Variants in RMND5A observed in about 807,000 individuals in gnomAD.
RMND5A encodes the protein E3 ubiquitin-protein transferase RMND5A.
RMND5A carries 17 observed loss-of-function variants against 49.7 expected under a neutral mutation model. That is an observed-to-expected ratio of 0.34 (90% CI 0.23 to 0.51). The LOEUF (loss-of-function observed/expected upper bound fraction) is 0.51, where lower values mean the gene tolerates loss of function less well. Among genes scored for constraint, RMND5A ranks in the 20% least tolerant of loss-of-function variants. The probability of loss-of-function intolerance (pLI) is 0.96; values close to 1 mark genes in which losing one functional copy is unlikely to be tolerated. For missense variants in RMND5A, 255 were observed against 471.3 expected, an observed-to-expected ratio of 0.54 and a Z score of 4.25; for synonymous variants, 156 against 167.7, an observed-to-expected ratio of 0.93 and a Z score of 0.54.
At position 86,735,107 on chromosome 2, in the gene RMND5A, A is replaced by G. The variant is rs201599938; in HGVS notation, c.143-5820A>G. Among the ~76,000 whole-genome samples the G allele has an allele frequency of 2.0e-5, 3 of 152,202 alleles. No individual in the cohort carries two copies. In the East Asian group the frequency reaches 5.9e-4, roughly 30 times the overall value. On this transcript the variant is annotated intron_variant, in intron 1 of 8. Coordinates refer to ENST00000283632, the MANE Select transcript of RMND5A (RefSeq NM_022780.4). ...CCTCATTTCCTTTAATGACTGGATA[A>G]TCCATTGTTTATCCATTCATTCTTT...
intron 2 of RMND5A, among the ~76,000 whole-genome samples, chr2:86,749,004 A>G (rs1275068065): frequency 6.6e-6 from 1 of 152,068 alleles, no homozygotes; most frequent in Non-Finnish European, 1.5e-5. Flanking sequence ...ACATTTAGAG[A>G]GTTATGGGCA....
chr2:86,772,562 A>G (rs1375588866), intron 8 of RMND5A, among the ~76,000 whole-genome samples: 2 of 151,968 alleles, frequency 1.3e-5, no homozygotes, highest in African/African-American at 4.8e-5. Flanking sequence ...TTCAAAGGAT[A>G]TATGCATTTG....
chr2:86,720,742 C>A lies in RMND5A; in HGVS notation c.75C>A (p.Cys25Ter), dbSNP rs1474586410. 6.3e-7 allele frequency: 1 copy of A among 1,591,770 alleles called. No individual in the cohort carries two copies. Reference protein sequence around the residue: ...LHKFSGYGQLCERGLEELIDY... With the variant: ...LHKFSGYGQL ...AGTTCTCAGGCTACGGGCAGCTGTG[C>A]GAGCGCGGCCTGGAGGAGCTCATCG... Residue 25 changes from cysteine (C) to a stop codon, truncating the protein, a stop_gained, in exon 1 of 9, where the codon TGC becomes TGA. Transcript: ENST00000283632. LOFTEE classifies it high-confidence loss of function.
intron 2 of RMND5A, among the ~76,000 whole-genome samples, chr2:86,743,556 C>G (rs538356930): frequency 6.6e-6 from 1 of 152,088 alleles, no homozygotes; most frequent in Non-Finnish European, 1.5e-5. Context: ...ACTCTGCCTC[C>G]CAGGTTCAAG....
intron 2 of RMND5A, among the ~76,000 whole-genome samples, chr2:86,745,641 CTCAT>C (rs1681524563): frequency 6.6e-6 from 1 of 152,090 alleles, no homozygotes; most frequent in African/African-American, 2.4e-5. Flanking sequence ...TTTACTTGAC[CTCAT>C]TAAGTAGGAT....
intron 1 of RMND5A, chr2:86,721,188 C>T (rs1293413256): frequency 4.6e-6 from 1 of 216,086 alleles, no homozygotes; most frequent in Non-Finnish European, 9.2e-6. Flanking sequence ...CGGCGCTGTT[C>T]TGTGGGCGGT....
At chr2:86,763,975 A>AATACATCAGC (rs1672550292) in intron 4 of RMND5A, among the ~76,000 whole-genome samples, 1 of 152,232 alleles carries the variant, frequency 6.6e-6, no homozygotes, top group Non-Finnish European at 1.5e-5. Context: ...GTAAGGTGTG[A>AATACATCAGC]ATACATCAGC....
In RMND5A at chr2:86,755,319, A is replaced by G. The variant is rs186184328; in HGVS notation, c.521+1761A>G. The stretch of plus-strand genomic sequence containing the variant: ...TATTTTATAGAGACAGGATTTCTCT[A>G]TGTCGCTCAGGCTGGTCTCAAACTT... On this transcript the variant is annotated intron_variant, in intron 4 of 8. Coordinates refer to ENST00000283632, the MANE Select transcript of RMND5A (RefSeq NM_022780.4). Among the ~76,000 whole-genome samples the G allele has an allele frequency of 9.2e-5, 14 of 152,276 alleles. No individual in the cohort carries two copies. The East Asian group carries it at 9.7e-4, about 11-fold the overall frequency.
intron 4 of RMND5A, among the ~76,000 whole-genome samples, chr2:86,764,279 A>C (rs1456484608): frequency 6.6e-6 from 1 of 152,200 alleles, no homozygotes; most frequent in Non-Finnish European, 1.5e-5. Context: ...GAAATAAAGT[A>C]CTGTTTCCTT....
chr2:86,747,896 A>G (rs1319710571), intron 2 of RMND5A, among the ~76,000 whole-genome samples: 1 of 152,096 alleles, frequency 6.6e-6, no homozygotes, highest in African/African-American at 2.4e-5. Context: ...TAGATTTAGT[A>G]TGTCCTGGAT....
At chr2:86,744,308 C>T (rs1340181345) in intron 2 of RMND5A, among the ~76,000 whole-genome samples, 1 of 152,140 alleles carries the variant, frequency 6.6e-6, no homozygotes, top group African/African-American at 2.4e-5. Flanking sequence ...GTTGTGTAAG[C>T]TCTGGGCAGC....
intron 6 of RMND5A, 57 bp from the exon 7 acceptor site, chr2:86,769,966 G>T: frequency 7.9e-7 from 1 of 1,273,238 alleles, no homozygotes; most frequent in Non-Finnish European, 1.1e-6. Context: ...ATGTCTCCTT[G>T]GACCAAGCGG....
In RMND5A at chr2:86,777,722, T is replaced by C. The variant is rs1672793014; in HGVS notation, c.*4311T>C. 6.6e-6 allele frequency: 1 copy of C among 152,220 alleles called. No individual in the cohort carries two copies. Among genetic ancestry groups the C allele is most frequent in the Non-Finnish European group, 1.5e-5 (1 of 68,030 alleles). 9.4% of individuals were successfully genotyped at this position (152,220 alleles called of 1,614,324 possible). Reference sequence around the variant, plus strand: ...ATTTTGATCAATTTTTTAAGAAATGTATCCTGTTTGCAAAGGCACAGTAAA... The same window carrying C: ...ATTTTGATCAATTTTTTAAGAAATGCATCCTGTTTGCAAAGGCACAGTAAA... On this transcript the variant is annotated 3_prime_UTR_variant, in exon 9 of 9. Coordinates refer to ENST00000283632, the MANE Select transcript of RMND5A (RefSeq NM_022780.4).
intron 4 of RMND5A, among the ~76,000 whole-genome samples, chr2:86,758,172 A>G (rs563240438): frequency 2.6e-4 from 39 of 152,290 alleles, no homozygotes; most frequent in African/African-American, 9.4e-4. Flanking sequence ...ACAACAAGAT[A>G]AAAATACAGT....
At chr2:86,771,424 A>C in intron 7 of RMND5A, 134 bp from the exon 8 acceptor site, 1 of 655,270 alleles carries the variant, frequency 1.5e-6, no homozygotes, top group South Asian at 2.9e-5. Context: ...TCTGAGTTAG[A>C]AGAGTGCTAT....
intron 2 of RMND5A, among the ~76,000 whole-genome samples, chr2:86,743,561 T>C (rs961675884): frequency 2.6e-5 from 4 of 151,786 alleles, no homozygotes; most frequent in African/African-American, 9.7e-5. Flanking sequence ...GCCTCCCAGG[T>C]TCAAGCGATT....
intron 2 of RMND5A, among the ~76,000 whole-genome samples, chr2:86,745,280 G>A (rs370426980): frequency 6.6e-6 from 1 of 152,204 alleles, no homozygotes; most frequent in East Asian, 1.9e-4. Flanking sequence ...CATACTACAT[G>A]TCCTTTATAA....
chr2:86,765,304 T>C, intron 5 of RMND5A, 111 bp downstream of exon 5: 2 of 940,048 alleles, frequency 2.1e-6, no homozygotes, highest in Non-Finnish European at 3.1e-6. Flanking sequence ...ACAGTTGTAG[T>C]TGATAATCAC....
intron 8 of RMND5A, among the ~76,000 whole-genome samples, chr2:86,772,621 G>A (rs762344713): frequency 5.3e-5 from 8 of 149,576 alleles, no homozygotes; most frequent in African/African-American, 2.0e-4. Flanking sequence ...TTGCGATTGA[G>A]TCTCACTCCA....
Sources: gnomAD v4.1 joint callset for allele counts (sites outside exome capture counted in the v4.1 genomes callset) on GRCh38, gnomAD v4.1.1 for gene constraint, MANE v1.5 for transcripts, NCBI Gene and HGNC (gene_info 2026-07-23, HGNC 2026-07-21) for gene names.